Variants in CHD2 observed in about 807,000 individuals in gnomAD.
CHD2 encodes chromodomain helicase DNA binding protein 2.
CHD2 carries 28 observed loss-of-function variants against 243.9 expected under a neutral mutation model. The observed-to-expected ratio is 0.11, with a 90% confidence interval of 0.09 to 0.16. The LOEUF is 0.16. Ranked by LOEUF, CHD2 falls within the 10% of genes least tolerant of loss-of-function variation. The probability of loss-of-function intolerance (pLI) is 1.00; values close to 1 mark genes in which losing one functional copy is unlikely to be tolerated. For missense variants in CHD2, 1,386 were observed against 2,209.8 expected (o/e 0.63, Z 7.47); for synonymous variants, 775 against 779.0 (o/e 0.99, Z 0.09).
chr15:92,952,704 G>T (rs944988798), intron 13 of CHD2, among the ~76,000 whole-genome samples: 3 of 152,238 alleles, frequency 2.0e-5, no homozygotes, highest in African/African-American at 7.2e-5. Context: ...CTGCTGTGCA[G>T]CTGGGTTCCC....
At chr15:92,989,012 T>C (rs914884702) in intron 26 of CHD2, among the ~76,000 whole-genome samples, 1 of 148,558 alleles carries the variant, frequency 6.7e-6, no homozygotes, top group African/African-American at 2.5e-5. Context: ...CTATGTATAC[T>C]TCATACTTCA....
intron 2 of CHD2, among the ~76,000 whole-genome samples, chr15:92,921,208 A>G (rs1216199891): frequency 1.3e-5 from 2 of 152,100 alleles, no homozygotes; most frequent in Non-Finnish European, 2.9e-5. Flanking sequence ...TAAGCCCACA[A>G]AATTAGAGAG....
At chr15:92,999,403 G>C (rs928593756) in intron 31 of CHD2, among the ~76,000 whole-genome samples, 1 of 152,148 alleles carries the variant, frequency 6.6e-6, no homozygotes, top group Non-Finnish European at 1.5e-5. Context: ...CTTACTTGCT[G>C]TGTGAAATAC....
At chr15:92,902,027 A>G (rs1407358769) in intron 2 of CHD2, 4 of 391,936 alleles carry the variant, frequency 1.0e-5, no homozygotes, top group East Asian at 7.2e-5. Flanking sequence ...TGTTACTGTG[A>G]TTAATATTTG....
At chr15:93,017,019 A>AT (rs1004799780) in intron 37 of CHD2, among the ~76,000 whole-genome samples, 8 of 152,176 alleles carry the variant, frequency 5.3e-5, no homozygotes, top group African/African-American at 9.7e-5. Flanking sequence ...AGGTTAATCA[A>AT]TTTTTTTACC....
chr15:92,910,078 T>G (rs899360032), intron 2 of CHD2, among the ~76,000 whole-genome samples: 1 of 151,588 alleles, frequency 6.6e-6, no homozygotes, highest in Admixed American at 6.6e-5. Flanking sequence ...ACAATTTCGG[T>G]TCACTGCAAC....
intron 16 of CHD2, among the ~76,000 whole-genome samples, chr15:92,957,864 T>C (rs2053636544): frequency 6.6e-6 from 1 of 152,168 alleles, no homozygotes; most frequent in African/African-American, 2.4e-5. Flanking sequence ...TAATCAGCTT[T>C]TGTCTCTAGA....
At chr15:92,910,243 C>T (rs1439859841) in intron 2 of CHD2, among the ~76,000 whole-genome samples, 2 of 152,144 alleles carry the variant, frequency 1.3e-5, no homozygotes, top group East Asian at 3.9e-4. Context: ...GGGCATGAAC[C>T]ACCATGCCTG....
intron 10 of CHD2, 168 bp downstream of exon 10, chr15:92,944,683 A>T (rs2053433967): frequency 2.6e-6 from 1 of 382,498 alleles, no homozygotes; most frequent in African/African-American, 2.0e-5. Context: ...GATGTGGGGG[A>T]TGAGAGAAAG....
At chr15:92,980,375 G>T (rs2053963965) in intron 22 of CHD2, among the ~76,000 whole-genome samples, 1 of 151,912 alleles carries the variant, frequency 6.6e-6, no homozygotes, top group African/African-American at 2.4e-5. Context: ...TATGTTAAAG[G>T]TGTATTCAAA....
chr15:92,949,364 A>C, intron 13 of CHD2: 1 of 480,846 alleles, frequency 2.1e-6, no homozygotes, highest in South Asian at 5.6e-5. Context: ...TCATGAGTGT[A>C]TATAGCAAGT....
chr15:92,991,194 G>A (rs1001462496), intron 26 of CHD2, among the ~76,000 whole-genome samples: 11 of 152,280 alleles, frequency 7.2e-5, no homozygotes, highest in African/African-American at 2.6e-4. Flanking sequence ...GGATATTAGA[G>A]CTAAGTCACA....
At chr15:92,919,113 C>T (rs1007320451) in intron 2 of CHD2, among the ~76,000 whole-genome samples, 1 of 151,708 alleles carries the variant, frequency 6.6e-6, no homozygotes, top group African/African-American at 2.4e-5. Context: ...GCCTGGGCCT[C>T]CCAGAGTGCT....
At chr15:92,991,047 C>T (rs185300685) in intron 26 of CHD2, among the ~76,000 whole-genome samples, 5 of 152,148 alleles carry the variant, frequency 3.3e-5, no homozygotes, top group Admixed American at 6.5e-5. Flanking sequence ...TTTCTAATAA[C>T]GAAAAATATG....
At chr15:92,947,543 T>C (rs930311914) in intron 12 of CHD2, 2 of 152,254 alleles carry the variant, frequency 1.3e-5, no homozygotes, top group African/African-American at 4.8e-5. Context: ...CTGAGTACAG[T>C]GGCATTATGA....
At chr15:92,974,768 G>T in intron 19 of CHD2, 111 bp from the exon 20 acceptor site, 1 of 938,470 alleles carries the variant, frequency 1.1e-6, no homozygotes. Flanking sequence ...GTGCTTTGCA[G>T]TTATTTTTAC....
chr15:92,992,648 T>C (rs1477066692), intron 27 of CHD2, among the ~76,000 whole-genome samples: 5 of 152,228 alleles, frequency 3.3e-5, no homozygotes, highest in Non-Finnish European at 5.9e-5. Flanking sequence ...TGTGGAATAT[T>C]CAAGACACAA....
At chr15:92,907,764 G>A (rs1341686253) in intron 2 of CHD2, among the ~76,000 whole-genome samples, 2 of 152,122 alleles carry the variant, frequency 1.3e-5, no homozygotes, top group Non-Finnish European at 2.9e-5. Flanking sequence ...ATAAATGTAA[G>A]CTTTTAGTAA....
In CHD2 at chr15:92,942,855, C is replaced by G; in HGVS notation, c.839C>G (p.Ser280Cys). 6.2e-7 allele frequency: 1 copy of G among 1,610,428 alleles called. No homozygotes were observed. Among genetic ancestry groups the G allele is most frequent in the Non-Finnish European group, 8.5e-7 (1 of 1,178,360 alleles). ...AATCCTTTTGCAGCCACTGGAGCATCTACTACTGTATATGCGATTGAAGCT... is the reference window on the plus strand; with the variant it reads ...AATCCTTTTGCAGCCACTGGAGCATGTACTACTGTATATGCGATTGAAGCT... ...RLGKKGATGA[S>C]TTVYAIEANG... Residue 280 changes from serine (S) to cysteine (C), a missense_variant, in exon 9 of 39, where the codon TCT (serine) becomes TGT (cysteine). This residue lies in a region of CHD2 where 200 missense variants were observed against 292.5 expected (regional missense o/e 0.68). Coordinates refer to ENST00000394196, the MANE Select transcript of CHD2 (RefSeq NM_001271.4).
Sources: allele counts gnomAD v4.1 joint callset (sites outside exome capture counted in the v4.1 genomes callset), GRCh38; gene constraint gnomAD v4.1.1; regional missense constraint gnomAD v4.1.1; transcripts MANE v1.5; gene names NCBI Gene and HGNC (gene_info 2026-07-23, HGNC 2026-07-21).